The following DGKI variants were observed in gnomAD, a reference collection of about 807,000 sequenced individuals.
The protein encoded by DGKI is diacylglycerol kinase iota.
DGKI carries 55 observed loss-of-function variants against 147.5 expected under a neutral mutation model. The ratio of observed to expected loss-of-function variants is 0.37; its 90% CI spans 0.30 to 0.47. The LOEUF is 0.47. Ranked by LOEUF, DGKI falls within the 20% of genes least tolerant of loss-of-function variation. DGKI has a pLI of 1.00. For missense variants in DGKI, 1,007 were observed against 1,323.8 expected (o/e 0.76, Z 3.71); for synonymous variants, 469 against 477.1 (o/e 0.98, Z 0.22).
chr7:137,381,555 G>T lies in DGKI; in HGVS notation c.*9665C>A, dbSNP rs1420777128. ...ACCCACAGCCAAGGGTACCCTGGATGCCTGGGAACGTTTTCCCACTCAGAA... is the reference window on the plus strand; with the variant it reads ...ACCCACAGCCAAGGGTACCCTGGATTCCTGGGAACGTTTTCCCACTCAGAA... On this transcript the variant is annotated 3_prime_UTR_variant, in exon 33 of 33. Coordinates refer to ENST00000614521, the MANE Select transcript of DGKI (RefSeq NM_001321708.2). 6.6e-6 allele frequency: 1 copy of T among 151,708 alleles called. No homozygotes were observed. Among genetic ancestry groups the T allele is most frequent in the Non-Finnish European group, 1.5e-5 (1 of 67,948 alleles). The allele number at this position is 151,708 out of a possible 1,614,324, so 9.4% of individuals were successfully genotyped here.
At chr7:137,583,080 G>C (rs1819262184) in intron 14 of DGKI, among the ~76,000 whole-genome samples, 1 of 152,020 alleles carries the variant, frequency 6.6e-6, no homozygotes, top group African/African-American at 2.4e-5. Context: ...TAAGAAAAAA[G>C]TGAAATAAGA....
chr7:137,467,689 A>G (rs1275513910), intron 24 of DGKI, among the ~76,000 whole-genome samples: 1 of 152,216 alleles, frequency 6.6e-6, no homozygotes, highest in East Asian at 1.9e-4. Flanking sequence ...GGGTTTCTAG[A>G]AATTATTTTA....
intron 1 of DGKI, among the ~76,000 whole-genome samples, chr7:137,716,833 CCTT>C (rs1794391026): frequency 1.3e-5 from 2 of 152,340 alleles, no homozygotes; most frequent in East Asian, 3.9e-4. Context: ...CTTTGCCTCT[CCTT>C]CTGTGAAAAA....
At chr7:137,490,527 T>C (rs73730634) in intron 21 of DGKI, among the ~76,000 whole-genome samples, 3,855 of 152,280 alleles carry the variant, frequency 0.025, 156 homozygotes, top group African/African-American at 0.088. Context: ...TCGTAAGTTA[T>C]ATGCCAGTTT....
At chr7:137,597,965 G>C in intron 11 of DGKI, 58 bp from the exon 12 acceptor site, 1 of 1,510,366 alleles carries the variant, frequency 6.6e-7, no homozygotes, top group Non-Finnish European at 9.1e-7. Context: ...CTAGAGCAGA[G>C]AGAAAGCAGA....
chr7:137,646,997 T>A (rs1386849951), intron 5 of DGKI, among the ~76,000 whole-genome samples: 1 of 152,164 alleles, frequency 6.6e-6, no homozygotes, highest in Non-Finnish European at 1.5e-5. Context: ...TATAATCAGA[T>A]ATAAATAAGC....
intron 1 of DGKI, among the ~76,000 whole-genome samples, chr7:137,825,441 T>A (rs1304888513): frequency 2.0e-5 from 3 of 152,144 alleles, no homozygotes; most frequent in Non-Finnish European, 4.4e-5. Context: ...GCTATAAAAT[T>A]TACAATGTGC....
At chr7:137,675,086 T>C (rs1358436125) in intron 3 of DGKI, among the ~76,000 whole-genome samples, 3 of 152,206 alleles carry the variant, frequency 2.0e-5, no homozygotes, top group Non-Finnish European at 4.4e-5. Flanking sequence ...TGCTTATGCA[T>C]ACTTTTTTCC....
intron 21 of DGKI, among the ~76,000 whole-genome samples, chr7:137,492,970 C>A (rs1815823538): frequency 6.6e-6 from 1 of 152,220 alleles, no homozygotes; most frequent in Non-Finnish European, 1.5e-5. Context: ...CCTCCCACCA[C>A]TGCAGCATCC....
Position 137,689,929 on chromosome 7 carries a change from G to T in DGKI, c.475C>A (p.Pro159Thr), listed in dbSNP as rs1823547006. ...AAAGTCGCTCTGGGCTCCTTGGCTG[G>T]ACCATTTGCCACAGGAAGGCTGAGG... ...HPLSLPVANG[P>T]AKEPRATLDW... The change falls in exon 2 of 33, where the codon CCA becomes ACA. Residue 159 changes from proline (P) to threonine (T), a missense_variant. By Grantham distance (38) the Pro-to-Thr change is conservative. Around this residue, in one of 5 missense-constraint regions of DGKI, gnomAD observed 259 missense variants for 362.5 expected, o/e 0.71. Coordinates refer to ENST00000614521, the MANE Select transcript of DGKI (RefSeq NM_001321708.2). 4 of 1,607,618 alleles carry T rather than the reference G, an allele frequency of 2.5e-6. No homozygotes were observed. The highest frequency in any genetic ancestry group is 3.4e-6 in the Non-Finnish European group (4 of 1,177,108).
chr7:137,680,256 C>T (rs1344568371), intron 2 of DGKI, among the ~76,000 whole-genome samples: 1 of 152,160 alleles, frequency 6.6e-6, no homozygotes, highest in Non-Finnish European at 1.5e-5. Flanking sequence ...GCACCTTGAC[C>T]TTGGACTTCC....
At chr7:137,405,440 AC>A (rs1379583900) in intron 30 of DGKI, among the ~76,000 whole-genome samples, 6 of 152,096 alleles carry the variant, frequency 3.9e-5, no homozygotes, top group Non-Finnish European at 8.8e-5. Flanking sequence ...GGTTCTTAAG[AC>A]CCAGAACCAA....
chr7:137,822,210 C>T (rs548306544), intron 1 of DGKI, among the ~76,000 whole-genome samples: 21 of 152,218 alleles, frequency 1.4e-4, no homozygotes, highest in African/African-American at 5.1e-4. Flanking sequence ...AGTTCGAGAC[C>T]AGCCTGGCCA....
intron 1 of DGKI, among the ~76,000 whole-genome samples, chr7:137,752,166 G>T (rs1442121148): frequency 1.3e-5 from 2 of 152,016 alleles, no homozygotes; most frequent in East Asian, 3.9e-4. Flanking sequence ...GATAATAAAA[G>T]TTGTGGGGGG....
chr7:137,760,593 C>T (rs2116803393), intron 1 of DGKI, among the ~76,000 whole-genome samples: 1 of 152,138 alleles, frequency 6.6e-6, no homozygotes, highest in Non-Finnish European at 1.5e-5. Context: ...ATGACAGCAA[C>T]AAGCAGTGAT....
At position 137,624,530 on chromosome 7, in the gene DGKI, C is replaced by T. The variant is rs114225625; in HGVS notation, c.805-976G>A. On this transcript the variant is annotated intron_variant, in intron 6 of 32. Transcript: ENST00000614521. ...ATTATGTCCCAATGGCATTTTTCAG[C>T]GCCCATAATCCCTGCCCATCTGCAG... Among the ~76,000 whole-genome samples the T allele has an allele frequency of 8.6e-3, 1,309 of 152,210 alleles. 24 individuals carry two copies. The highest frequency in any genetic ancestry group is 0.03 in the African/African-American group (1,235 of 41,532).
intron 2 of DGKI, among the ~76,000 whole-genome samples, chr7:137,681,078 G>C (rs1236048489): frequency 2.0e-5 from 3 of 152,144 alleles, no homozygotes; most frequent in African/African-American, 7.2e-5. Context: ...GATGTCAAGG[G>C]CTTCAGGACA....
chr7:137,529,199 A>G (rs1384810435), intron 20 of DGKI, among the ~76,000 whole-genome samples: 2 of 152,274 alleles, frequency 1.3e-5, no homozygotes, highest in African/African-American at 4.8e-5. Context: ...GGGGAGCGTG[A>G]ATGATGAGAA....
intron 20 of DGKI, among the ~76,000 whole-genome samples, chr7:137,544,023 T>C (rs572176454): frequency 6.6e-6 from 1 of 152,328 alleles, no homozygotes; most frequent in South Asian, 2.1e-4. Context: ...ATATCATATG[T>C]AGATATAAAA....
Sources: allele counts gnomAD v4.1 joint callset (sites outside exome capture counted in the v4.1 genomes callset), GRCh38; gene constraint gnomAD v4.1.1; regional missense constraint gnomAD v4.1.1; transcripts MANE v1.5; gene names NCBI Gene and HGNC (gene_info 2026-07-23, HGNC 2026-07-21).